ZDHHC5: variants seen among roughly 807,000 people sequenced by gnomAD.
The protein encoded by ZDHHC5 is palmitoyltransferase ZDHHC5.
In ZDHHC5, 22 loss-of-function variants were observed where a neutral mutation model predicts 70.0. The observed-to-expected ratio is 0.31, with a 90% CI of 0.22 to 0.45. The LOEUF is 0.45. Among genes scored for constraint, ZDHHC5 ranks in the 20% least tolerant of loss-of-function variants. The pLI is 1.00. For synonymous variants in ZDHHC5, 313 were observed against 347.8 expected (o/e 0.90, Z 1.11); for missense variants, 746 against 926.9 (o/e 0.80, Z 2.53).
At position 57,690,413 on chromosome 11, in the gene ZDHHC5, C is replaced by G; in HGVS notation, c.636C>G (p.Ala212=). ...GLTGFHVVLV[A]RGRTTNEQVT... ...CGGGATTTCACGTGGTTCTGGTGGCCAGGGGACGCACAACCAATGAACAGG... is the reference window on the plus strand; with the variant it reads ...CGGGATTTCACGTGGTTCTGGTGGCGAGGGGACGCACAACCAATGAACAGG... Residue 212 remains alanine, a synonymous_variant, in exon 6 of 12, where the codon GCC becomes GCG. Coordinates refer to ENST00000287169, the MANE Select transcript of ZDHHC5 (RefSeq NM_015457.3). 6.2e-7 allele frequency: 1 copy of G among 1,614,112 alleles called. No individual in the cohort carries two copies. Among genetic ancestry groups the G allele is most frequent in the Non-Finnish European group, 8.5e-7 (1 of 1,180,028 alleles).
At chr11:57,688,889 T>G (rs779502874) in intron 4 of ZDHHC5, among the ~76,000 whole-genome samples, 48 of 152,180 alleles carry the variant, frequency 3.2e-4, no homozygotes, top group Non-Finnish European at 5.1e-4. Context: ...TAGGCTTTCT[T>G]TTTTATTTAT....
At chr11:57,682,346 T>G in intron 2 of ZDHHC5, 76 bp from the exon 3 acceptor site, 2 of 1,525,712 alleles carry the variant, frequency 1.3e-6, no homozygotes, top group Non-Finnish European at 1.8e-6. Flanking sequence ...GGGCTAAGTC[T>G]TTACAGATTT....
chr11:57,694,664 A>G (rs1003371497), intron 8 of ZDHHC5, among the ~76,000 whole-genome samples: 1 of 152,216 alleles, frequency 6.6e-6, no homozygotes, highest in Non-Finnish European at 1.5e-5. Context: ...ACCCGGCCCT[A>G]CATTAGACTT....
chr11:57,668,228 C>G (rs1945949726), intron 1 of ZDHHC5, 41 bp downstream of exon 1: 1 of 355,154 alleles, frequency 2.8e-6, no homozygotes, highest in Admixed American at 4.7e-5. Context: ...ACCGGAAGTG[C>G]CGTACCAGCG....
In ZDHHC5 at chr11:57,699,474, G is replaced by C. The variant is rs1005952535; in HGVS notation, c.1982+56G>C. ...CAATTTCAAATTAGCATACTGCTCT[G>C]CAAAAGCTATCAGGGCTTCTGTTGT... On this transcript the variant is annotated intron_variant, in intron 11 of 11. Coordinates refer to ENST00000287169, the MANE Select transcript of ZDHHC5 (RefSeq NM_015457.3). The C allele has an allele frequency of 2.6e-6, 4 of 1,511,788 alleles. No homozygotes were observed. The African/African-American group carries it at 5.6e-5, about 21-fold the overall frequency. 93.6% of individuals were successfully genotyped at this position (1,511,788 alleles called of 1,614,324 possible).
chr11:57,673,949 G>A (rs532587337), intron 2 of ZDHHC5, among the ~76,000 whole-genome samples: 44 of 152,302 alleles, frequency 2.9e-4, no homozygotes, highest in Non-Finnish European at 5.3e-4. Context: ...GAAACTGAGA[G>A]TATTGGAAAA....
At chr11:57,694,133 A>C (rs1446094747) in intron 8 of ZDHHC5, among the ~76,000 whole-genome samples, 4 of 151,510 alleles carry the variant, frequency 2.6e-5, no homozygotes, top group Non-Finnish European at 5.9e-5. Context: ...CTGGGATTAC[A>C]GGTGTCCGTC....
intron 2 of ZDHHC5, among the ~76,000 whole-genome samples, chr11:57,682,155 G>C (rs1202300533): frequency 6.6e-6 from 1 of 152,200 alleles, no homozygotes; most frequent in Non-Finnish European, 1.5e-5. Context: ...CCACAGGGTA[G>C]GAATGAATCT....
At chr11:57,682,630 G>A (rs1946163051) in intron 3 of ZDHHC5, 87 bp downstream of exon 3, 2 of 1,455,094 alleles carry the variant, frequency 1.4e-6, no homozygotes, top group Non-Finnish European at 1.8e-6. Flanking sequence ...TGGGCCTTAA[G>A]AGTCCTGGGA....
intron 6 of ZDHHC5, 110 bp downstream of exon 6, chr11:57,690,547 T>A (rs958855809): frequency 8.6e-7 from 1 of 1,156,770 alleles, no homozygotes; most frequent in Non-Finnish European, 1.3e-6. Context: ...TGAATACTTT[T>A]CATGATTATG....
At chr11:57,669,702 G>T (rs953495229) in intron 1 of ZDHHC5, among the ~76,000 whole-genome samples, 2 of 152,066 alleles carry the variant, frequency 1.3e-5, no homozygotes, top group Non-Finnish European at 2.9e-5. Flanking sequence ...CAAATGATCC[G>T]CCCGCCTCGG....
At chr11:57,699,511 T>C in intron 11 of ZDHHC5, 93 bp downstream of exon 11, 1 of 1,496,370 alleles carries the variant, frequency 6.7e-7, no homozygotes, top group Non-Finnish European at 8.9e-7. Flanking sequence ...CATCCTAATG[T>C]AGGTGGACCC....
intron 10 of ZDHHC5, 74 bp from the exon 11 acceptor site, chr11:57,698,485 C>A (rs1946385826): frequency 2.0e-6 from 3 of 1,513,786 alleles, no homozygotes; most frequent in African/African-American, 1.4e-5. Flanking sequence ...TCTTTTTGAC[C>A]AACTCCTTGA....
chr11:57,687,756 G>GTTTTTTTTTTTTTTTTTTT (rs746146074), intron 3 of ZDHHC5, among the ~76,000 whole-genome samples: 1 of 75,274 alleles, frequency 1.3e-5, no homozygotes, highest in African/African-American at 5.2e-5. Flanking sequence ...TTTTGGGAAA[G>GTTTTTTTTTTTTTTTTTTT]TTTTTTTTTT....
intron 1 of ZDHHC5, 42 bp from the exon 2 acceptor site, chr11:57,671,979 C>T: frequency 2.9e-6 from 1 of 345,564 alleles, no homozygotes; most frequent in Non-Finnish European, 5.2e-6. Context: ...CTAAGAAATA[C>T]CCTGAAAGAA....
intron 9 of ZDHHC5, among the ~76,000 whole-genome samples, chr11:57,696,362 G>C (rs1002366444): frequency 6.6e-6 from 1 of 152,122 alleles, no homozygotes; most frequent in Admixed American, 6.6e-5. Flanking sequence ...TTCAGCGAAG[G>C]GTATATCTAT....
In ZDHHC5 at chr11:57,684,293, A is replaced by T. The variant is rs530562838; in HGVS notation, c.226+1750A>T. 6.5e-3 allele frequency among the ~76,000 whole-genome samples: 988 copies of T among 152,304 alleles called. 4 individuals carry two copies. The highest frequency in any genetic ancestry group is 0.01 in the Non-Finnish European group (697 of 68,032). On this transcript the variant is annotated intron_variant, in intron 3 of 11. Coordinates refer to ENST00000287169, the MANE Select transcript of ZDHHC5 (RefSeq NM_015457.3). ...CCTGGCCCAAAATTACTCTTTTAAG[A>T]AGTAAGCTGGCTGGGCACAGTGGTT...
intron 2 of ZDHHC5, among the ~76,000 whole-genome samples, chr11:57,680,238 G>A (rs186758106): frequency 2.6e-5 from 4 of 152,040 alleles, no homozygotes; most frequent in African/African-American, 7.2e-5. Flanking sequence ...TTAGCCGGGC[G>A]TGGTGGTGTG....
chr11:57,693,646 G>C, intron 7 of ZDHHC5, 137 bp from the exon 8 acceptor site: 1 of 1,320,412 alleles, frequency 7.6e-7, no homozygotes, highest in Non-Finnish European at 1.0e-6. Context: ...TTATTGCTAA[G>C]TAAGTGATGG....
Sources: allele counts gnomAD v4.1 joint callset (sites outside exome capture counted in the v4.1 genomes callset), GRCh38; gene constraint gnomAD v4.1.1; transcripts MANE v1.5; gene names NCBI Gene and HGNC (gene_info 2026-07-23, HGNC 2026-07-21).